UBP1: variants seen among roughly 807,000 people sequenced by gnomAD.
UBP1 encodes the protein upstream-binding protein 1.
Under a neutral mutation model 76.1 loss-of-function variants are expected in UBP1, and 22 were observed. That is an observed-to-expected ratio of 0.29 (90% CI 0.21 to 0.41). The LOEUF (loss-of-function observed/expected upper bound fraction) is 0.41, where lower values mean the gene tolerates loss of function less well. Ranked by LOEUF, UBP1 falls within the 10% of genes least tolerant of loss-of-function variation. UBP1 has a pLI of 1.00. For missense variants in UBP1, 436 were observed against 668.1 expected, an observed-to-expected ratio of 0.65 and a Z score of 3.83; for synonymous variants, 224 against 237.1, an observed-to-expected ratio of 0.94 and a Z score of 0.51.
Position 33,390,305 on chromosome 3 carries a change from G to C in UBP1, c.*26C>G. ...CTTTTAAGCGTGACTATTTGGTACT[G>C]AATACAGTTCAGTCTATATAAGACA... On this transcript the variant is annotated 3_prime_UTR_variant, in exon 16 of 16. Transcript: ENST00000283629. 1 of 1,610,226 alleles carries C rather than the reference G, an allele frequency of 6.2e-7. No individual in the cohort carries two copies. The highest frequency in any genetic ancestry group is 8.5e-7 in the Non-Finnish European group (1 of 1,176,836).
intron 8 of UBP1, among the ~76,000 whole-genome samples, chr3:33,406,334 C>A (rs1355887272): frequency 1.3e-5 from 2 of 152,224 alleles, no homozygotes; most frequent in Non-Finnish European, 1.5e-5. Flanking sequence ...GTTTGATGAA[C>A]CCAAGACCCT....
At chr3:33,432,490 T>C (rs1284586841) in intron 1 of UBP1, among the ~76,000 whole-genome samples, 2 of 152,228 alleles carry the variant, frequency 1.3e-5, no homozygotes, top group African/African-American at 2.4e-5. Flanking sequence ...TATTTATATT[T>C]AGATAAATTG....
At chr3:33,438,311 A>G (rs1225184033) in intron 1 of UBP1, among the ~76,000 whole-genome samples, 1 of 152,230 alleles carries the variant, frequency 6.6e-6, no homozygotes, top group Non-Finnish European at 1.5e-5. Flanking sequence ...AAGAGAAGCA[A>G]CTGAGGAGAG....
chr3:33,430,604 C>T (rs935009047), intron 1 of UBP1, among the ~76,000 whole-genome samples: 1 of 152,246 alleles, frequency 6.6e-6, no homozygotes, highest in African/African-American at 2.4e-5. Context: ...TCTGCCTCTA[C>T]TGCAGAAGGT....
intron 1 of UBP1, among the ~76,000 whole-genome samples, chr3:33,437,095 G>C (rs1407019250): frequency 6.6e-6 from 1 of 152,034 alleles, no homozygotes; most frequent in African/African-American, 2.4e-5. Context: ...CAACAAAAAA[G>C]TATAATACAA....
chr3:33,402,706 A>G, intron 9 of UBP1, 95 bp downstream of exon 9: 1 of 906,348 alleles, frequency 1.1e-6, no homozygotes, highest in Admixed American at 3.6e-5. Context: ...TTTAGGTACA[A>G]TACAAACAAA....
rs116667755 is a variant in UBP1, at chr3:33,438,131, T to C, written c.113+1605A>G. 3.5e-3 allele frequency among the ~76,000 whole-genome samples: 527 copies of C among 152,322 alleles called. 3 individuals are homozygous for C. The highest frequency in any genetic ancestry group is 0.011 in the African/African-American group (472 of 41,556). ...AGGGAAAGGTTTAAAATCATCAAGA[T>C]TGTACTTCCTTTTCATGGAAATAAA... is the stretch of plus-strand genomic sequence containing the variant. On this transcript the variant is annotated intron_variant, in intron 1 of 15. Transcript: ENST00000283629.
chr3:33,426,668 A>G (rs563592350), intron 1 of UBP1, among the ~76,000 whole-genome samples: 14 of 152,176 alleles, frequency 9.2e-5, no homozygotes, highest in Non-Finnish European at 1.8e-4. Flanking sequence ...GGACATTTAA[A>G]TGGAATCATA....
chr3:33,395,673 T>A (rs117101101), intron 13 of UBP1, among the ~76,000 whole-genome samples: 2 of 146,950 alleles, frequency 1.4e-5, no homozygotes, highest in Non-Finnish European at 3.0e-5. Context: ...GTCCACACAC[T>A]TAGGACTATT....
rs186499017 is a variant in UBP1 at position 33,434,647 on chromosome 3, C to T, written c.113+5089G>A. 1.1e-3 allele frequency among the ~76,000 whole-genome samples: 166 copies of T among 148,172 alleles called. 1 individual carries two copies. Among genetic ancestry groups the T allele is most frequent in the Middle Eastern group, 7.4e-3 (2 of 270 alleles). On this transcript the variant is annotated intron_variant, in intron 1 of 15. Coordinates refer to ENST00000283629, the MANE Select transcript of UBP1 (RefSeq NM_014517.5). The stretch of plus-strand genomic sequence containing the variant: ...GCCTAAGAGCTAAATCCAACCAGCC[C>T]GTTTTTACACAATTATGGGGTAAGA...
At chr3:33,411,729 ATAACT>A (rs1559681025) in intron 4 of UBP1, 42 bp from the exon 5 acceptor site, 2 of 1,517,254 alleles carry the variant, frequency 1.3e-6, no homozygotes, top group South Asian at 2.3e-5. Flanking sequence ...TCCACTTTAA[ATAACT>A]TAAAAAACTT....
chr3:33,421,921 A>T (rs2044905705), intron 2 of UBP1, among the ~76,000 whole-genome samples: 1 of 152,080 alleles, frequency 6.6e-6, no homozygotes, highest in Non-Finnish European at 1.5e-5. Flanking sequence ...GCATGTGCCC[A>T]TAGTCCTAGG....
intron 11 of UBP1, 155 bp from the exon 12 acceptor site, chr3:33,397,290 C>A: frequency 1.9e-6 from 1 of 524,488 alleles, no homozygotes; most frequent in South Asian, 3.5e-5. Flanking sequence ...CAAACAGACA[C>A]CTGTCCTTCA....
rs1332973053 is a variant in UBP1 at position 33,389,831 on chromosome 3, C to T, written c.*500G>A. 6.5e-6 allele frequency: 1 copy of T among 154,388 alleles called. No homozygotes were observed. The allele number at this position is 154,388 out of a possible 1,614,324, so 9.6% of individuals were successfully genotyped here. ...GGTGCCGAGCCTCTTACCTGACCACCAACGGCCACATCAGCACAACACAAC... is the reference window on the plus strand; with the variant it reads ...GGTGCCGAGCCTCTTACCTGACCACTAACGGCCACATCAGCACAACACAAC... On this transcript the variant is annotated 3_prime_UTR_variant, in exon 16 of 16. Transcript: ENST00000283629.
intron 3 of UBP1, chr3:33,414,020 A>C (rs2044665621): frequency 6.6e-6 from 1 of 152,234 alleles, no homozygotes; most frequent in South Asian, 2.1e-4. Flanking sequence ...TATTCAGATG[A>C]AAACAGTATT....
intron 12 of UBP1, 178 bp downstream of exon 12, chr3:33,396,867 T>C (rs1340440331): frequency 4.3e-6 from 3 of 699,636 alleles, no homozygotes; most frequent in Admixed American, 2.0e-5. Flanking sequence ...CTGCATCATA[T>C]CTGGGCCTGC....
intron 7 of UBP1, 97 bp downstream of exon 7, chr3:33,409,139 A>C: frequency 8.4e-7 from 1 of 1,193,566 alleles, no homozygotes; most frequent in Non-Finnish European, 1.2e-6. Flanking sequence ...ACTGCCACCC[A>C]ATCTTCCCCA....
intron 4 of UBP1, 110 bp from the exon 5 acceptor site, chr3:33,411,797 G>A: frequency 1.2e-6 from 1 of 816,884 alleles, no homozygotes; most frequent in South Asian, 1.6e-5. Context: ...TTTGAACTCT[G>A]TCTTTCAATG....
chr3:33,396,899 G>A (rs560362121), intron 12 of UBP1, 146 bp downstream of exon 12: 1 of 769,420 alleles, frequency 1.3e-6, no homozygotes, highest in Admixed American at 2.0e-5. Flanking sequence ...ACACAAAACA[G>A]TCTTCTTGTG....
Sources: allele counts gnomAD v4.1 joint callset (sites outside exome capture counted in the v4.1 genomes callset), GRCh38; gene constraint gnomAD v4.1.1; transcripts MANE v1.5; gene names NCBI Gene and HGNC (gene_info 2026-07-23, HGNC 2026-07-21).